Variants in SEM1 observed in about 807,000 individuals in gnomAD.
SEM1 encodes SEM1 26S proteasome subunit, also known as 26S proteasome complex subunit SEM1.
In SEM1, 3 loss-of-function variants were observed where a neutral mutation model predicts 12.7. The observed-to-expected ratio is 0.24, with a 90% CI of 0.11 to 0.61. SEM1 has a LOEUF of 0.61. SEM1 is among the 20% of genes least tolerant of loss of function. The pLI, the probability that SEM1 is intolerant of heterozygous loss-of-function variation, is 0.88. For missense variants in SEM1, 59 were observed against 81.3 expected, an observed-to-expected ratio of 0.73 and a Z score of 1.06; for synonymous variants, 30 against 27.8, an observed-to-expected ratio of 1.08 and a Z score of -0.25.
At chr7:96,667,664 G>A (rs1156846555) in intron 2 of SEM1, among the ~76,000 whole-genome samples, 1 of 152,200 alleles carries the variant, frequency 6.6e-6, no homozygotes, top group Non-Finnish European at 1.5e-5. Flanking sequence ...GCTGGCAGAT[G>A]GAAGCAGAAG....
intron 2 of SEM1, among the ~76,000 whole-genome samples, chr7:96,546,355 A>G (rs1308144486): frequency 6.6e-6 from 1 of 152,100 alleles, no homozygotes; most frequent in African/African-American, 2.4e-5. Flanking sequence ...CACACTCCTC[A>G]TACTCTCAAA....
At chr7:96,612,186 A>G (rs1036977013) in intron 2 of SEM1, among the ~76,000 whole-genome samples, 3 of 152,226 alleles carry the variant, frequency 2.0e-5, no homozygotes, top group South Asian at 2.1e-4. Flanking sequence ...CAGGGCACAC[A>G]TAATGAGGCT....
intron 2 of SEM1, among the ~76,000 whole-genome samples, chr7:96,624,196 A>G (rs763496719): frequency 1.3e-5 from 2 of 152,228 alleles, no homozygotes; most frequent in Admixed American, 1.3e-4. Flanking sequence ...ACATATAAGA[A>G]GATCTAAAAT....
chr7:96,580,185 G>C (rs1806346800), intron 2 of SEM1, among the ~76,000 whole-genome samples: 1 of 142,538 alleles, frequency 7.0e-6, no homozygotes, highest in East Asian at 2.1e-4. Context: ...TGTTCTCGTT[G>C]TTCAATTCCC....
downstream of SEM1, among the ~76,000 whole-genome samples, chr7:96,620,180 G>A (rs531212556): frequency 7.9e-5 from 12 of 152,114 alleles, no homozygotes; most frequent in East Asian, 2.0e-3. Context: ...TTGGGCCTGC[G>A]TCCAGGGTCC....
At chr7:96,592,947 T>G (rs1456218560) in intron 2 of SEM1, among the ~76,000 whole-genome samples, 1 of 149,252 alleles carries the variant, frequency 6.7e-6, no homozygotes, top group East Asian at 2.0e-4. Flanking sequence ...ATTACCGTCC[T>G]TGAAGCTCTA....
At chr7:96,549,767 T>G (rs1805209925) in intron 2 of SEM1, among the ~76,000 whole-genome samples, 1 of 152,196 alleles carries the variant, frequency 6.6e-6, no homozygotes, top group Admixed American at 6.5e-5. Flanking sequence ...TTAGTTCTTT[T>G]TTTCCCTAAA....
chr7:96,530,578 T>TATCG (rs2115710981), intron 2 of SEM1, among the ~76,000 whole-genome samples: 1 of 152,180 alleles, frequency 6.6e-6, no homozygotes, highest in African/African-American at 2.4e-5. Context: ...GTCCCTCAGG[T>TATCG]ATCGGGGCAT....
At chr7:96,548,225 T>C (rs1805161653) in intron 2 of SEM1, among the ~76,000 whole-genome samples, 1 of 152,154 alleles carries the variant, frequency 6.6e-6, no homozygotes, top group Non-Finnish European at 1.5e-5. Flanking sequence ...TTTCGATTCT[T>C]AATCCCAAGT....
chr7:96,519,547 G>A (rs1331755380), intron 2 of SEM1, among the ~76,000 whole-genome samples: 2 of 152,208 alleles, frequency 1.3e-5, no homozygotes, highest in Non-Finnish European at 2.9e-5. Context: ...ATGAGGAAGA[G>A]GGATCACTGA....
At chr7:96,583,547 G>C (rs1367096913) in intron 2 of SEM1, among the ~76,000 whole-genome samples, 1 of 149,730 alleles carries the variant, frequency 6.7e-6, no homozygotes, top group Non-Finnish European at 1.5e-5. Context: ...CTGTCTTGTT[G>C]ATCTGTCTAA....
At position 96,537,955 on chromosome 7, in the gene SEM1, G is replaced by T. The variant is rs62471372; in HGVS notation, c.171-31257C>A. Among the ~76,000 whole-genome samples, 1,104 of 151,214 alleles carry T rather than the reference G, an allele frequency of 7.3e-3. 2 individuals carry two copies. The highest frequency in any genetic ancestry group is 0.011 in the Non-Finnish European group (733 of 67,624). On this transcript the variant is annotated intron_variant and NMD_transcript_variant, in intron 2 of 3. Transcript: ENST00000466986. ...TTGAAATTTTCCCACATTTCTTTGG[G>T]GTTCTATTCTGTTTGTTTTCTTTTT...
chr7:96,680,174 G>A (rs964371523), intron 2 of SEM1, among the ~76,000 whole-genome samples: 12 of 151,948 alleles, frequency 7.9e-5, no homozygotes, highest in African/African-American at 1.9e-4. Context: ...AACTGAAGTC[G>A]AATTCCCTAT....
intron 1 of SEM1, among the ~76,000 whole-genome samples, chr7:96,493,500 G>A (rs1803111646): frequency 6.6e-6 from 1 of 151,746 alleles, no homozygotes; most frequent in Non-Finnish European, 1.5e-5. Flanking sequence ...CTCAAGATTG[G>A]GTTATTTTCA....
At chr7:96,644,376 T>C (rs1808717584) in intron 2 of SEM1, among the ~76,000 whole-genome samples, 2 of 152,232 alleles carry the variant, frequency 1.3e-5, no homozygotes, top group Non-Finnish European at 2.9e-5. Context: ...ATTCTGGCAA[T>C]AGATCTTCTG....
At chr7:96,558,605 AAAG>A (rs1805602196) in intron 2 of SEM1, among the ~76,000 whole-genome samples, 1 of 152,206 alleles carries the variant, frequency 6.6e-6, no homozygotes, top group Admixed American at 6.5e-5. Context: ...CGAAGACAGA[AAAG>A]AAGCAAGGAG....
chr7:96,582,136 A>G (rs1211491064), intron 2 of SEM1, among the ~76,000 whole-genome samples: 2 of 150,890 alleles, frequency 1.3e-5, no homozygotes, highest in Non-Finnish European at 3.0e-5. Context: ...ATTATTTTGA[A>G]ATACGTCCCA....
At chr7:96,582,428 A>C (rs1427942943) in intron 2 of SEM1, among the ~76,000 whole-genome samples, 1 of 150,370 alleles carries the variant, frequency 6.7e-6, no homozygotes, top group Admixed American at 6.7e-5. Flanking sequence ...TTGGTCTAAA[A>C]TTCTCTTTTT....
intron 2 of SEM1, among the ~76,000 whole-genome samples, chr7:96,560,855 C>T (rs1296555631): frequency 6.6e-6 from 1 of 152,130 alleles, no homozygotes; most frequent in Admixed American, 6.6e-5. Flanking sequence ...AACACCCTAT[C>T]ATATAATAAA....
Sources: gnomAD v4.1 joint callset for allele counts (sites outside exome capture counted in the v4.1 genomes callset) on GRCh38, gnomAD v4.1.1 for gene constraint, MANE v1.5 for transcripts, NCBI Gene and HGNC (gene_info 2026-07-23, HGNC 2026-07-21) for gene names.